Variants in CEP164 observed in about 807,000 individuals in gnomAD.
CEP164 encodes the protein centrosomal protein of 164 kDa.
A neutral mutation model predicts 182.7 loss-of-function variants in CEP164; 162 were observed. That is an observed-to-expected ratio of 0.89 (90% confidence interval 0.78 to 1.01). The LOEUF (loss-of-function observed/expected upper bound fraction) is 1.01. CEP164 is among the 50% of genes least tolerant of loss of function. CEP164 has a pLI of 0.00. For synonymous variants in CEP164, 661 were observed against 690.0 expected (o/e 0.96, Z 0.66); for missense variants, 1,735 against 1,790.4 (o/e 0.97, Z 0.56).
chr11:117,343,787 C>T (rs1055719447), intron 3 of CEP164, among the ~76,000 whole-genome samples: 2 of 151,948 alleles, frequency 1.3e-5, no homozygotes, highest in Non-Finnish European at 1.5e-5. Context: ...TGCGCCACCA[C>T]GCTGGGCTAA....
rs535762863 is a variant in CEP164, at chr11:117,353,961, T to C, written c.393+1973T>C. Among the ~76,000 whole-genome samples the C allele has an allele frequency of 2.0e-5, 3 of 152,104 alleles. No homozygotes were observed. In the South Asian group the frequency reaches 6.2e-4, roughly 32 times the overall value. On this transcript the variant is annotated intron_variant, in intron 5 of 32. Transcript: ENST00000278935. ...TTCTCTTCGCGCCCTGTTAAAAAATTTCCGGGTGTCCTTGGTAAGGTTGGT... is the reference window on the plus strand; with the variant it reads ...TTCTCTTCGCGCCCTGTTAAAAAATCTCCGGGTGTCCTTGGTAAGGTTGGT...
At chr11:117,370,887 G>C (rs563380163) in intron 8 of CEP164, among the ~76,000 whole-genome samples, 193 bp from the exon 9 acceptor site, 2 of 152,186 alleles carry the variant, frequency 1.3e-5, no homozygotes, top group South Asian at 4.2e-4. Flanking sequence ...CCCCAGCCTG[G>C]GCGACAGAGT....
chr11:117,355,081 C>T, intron 5 of CEP164: 1 of 1,289,812 alleles, frequency 7.8e-7, no homozygotes, highest in Non-Finnish European at 1.0e-6. Flanking sequence ...AGAGCCCAGG[C>T]ATGCTGGGTG....
chr11:117,412,438 C>G lies in CEP164; in HGVS notation c.*270C>G. 3.0e-6 allele frequency: 1 copy of G among 334,654 alleles called. No homozygotes were observed. The highest frequency in any genetic ancestry group is 5.6e-6 in the Non-Finnish European group (1 of 179,160). 20.7% of individuals were successfully genotyped at this position (334,654 alleles called of 1,614,324 possible). A position where few individuals can be genotyped will look rare whatever the true frequency, so the allele number is the denominator to read the frequency against. On this transcript the variant is annotated 3_prime_UTR_variant, in exon 33 of 33. Coordinates refer to ENST00000278935, the MANE Select transcript of CEP164 (RefSeq NM_014956.5). ...GTGCGGTGGCTGCGGGGTATCAGGG[C>G]CGGGAGCCCTTTGGGAGGAAGGGAG...
At chr11:117,387,641 A>G (rs553035423) in intron 15 of CEP164, among the ~76,000 whole-genome samples, 1 of 152,334 alleles carries the variant, frequency 6.6e-6, no homozygotes, top group East Asian at 1.9e-4. Context: ...CCGTAGAATA[A>G]AAGCAGGGTT....
intron 14 of CEP164, among the ~76,000 whole-genome samples, chr11:117,384,122 AAG>A (rs2043665428): frequency 1.3e-5 from 2 of 152,222 alleles, no homozygotes; most frequent in Non-Finnish European, 1.5e-5. Context: ...TGCATAGAGA[AAG>A]AGAAGGATCA....
chr11:117,393,644 A>G (rs1474353876), intron 20 of CEP164, among the ~76,000 whole-genome samples: 3 of 152,234 alleles, frequency 2.0e-5, no homozygotes, highest in African/African-American at 7.2e-5. Context: ...AGCCCAGGCC[A>G]TCTGACTCCA....
In CEP164 at chr11:117,394,916, G is replaced by T. The variant is rs764805933; in HGVS notation, c.2761-4G>T. On this transcript the variant is annotated splice_region_variant and splice_polypyrimidine_tract_variant and intron_variant, in intron 21 of 32. Coordinates refer to ENST00000278935, the MANE Select transcript of CEP164 (RefSeq NM_014956.5). The surrounding 1 kb of genome is among the most constrained non-coding windows in gnomAD (Gnocchi z 4.0). ...TATGCTTATGTGTTTCCCTTTCTGG[G>T]CAGGAAAGGAAGCTCCAGGATTTAG... The T allele has an allele frequency of 1.9e-6, 3 of 1,613,722 alleles. No homozygotes were observed. Among genetic ancestry groups the T allele is most frequent in the African/African-American group, 2.7e-5 (2 of 74,906 alleles).
chr11:117,369,909 C>T (rs1351504395), intron 8 of CEP164, among the ~76,000 whole-genome samples: 2 of 152,186 alleles, frequency 1.3e-5, no homozygotes, highest in Admixed American at 1.3e-4. Context: ...CTGCTCAGAC[C>T]CTGCCAAGGG....
At position 117,361,703 on chromosome 11, in the gene CEP164, T is replaced by C. The variant is rs1592158820; in HGVS notation, c.394-132T>C. On this transcript the variant is annotated intron_variant, in intron 5 of 32. Transcript: ENST00000278935. Reference sequence around the variant, plus strand: ...GTAATTTCTGGATGTTGTGTTTCATTAGCAGCCTCTGAGCGGAGGTGGTTT... The same window carrying C: ...GTAATTTCTGGATGTTGTGTTTCATCAGCAGCCTCTGAGCGGAGGTGGTTT... 2.1e-5 allele frequency: 18 copies of C among 850,440 alleles called. No individual in the cohort carries two copies. The South Asian group carries it at 2.6e-4, about 12-fold the overall frequency. 52.7% of individuals were successfully genotyped at this position (850,440 alleles called of 1,614,324 possible). A position where few individuals can be genotyped will look rare whatever the true frequency, so the allele number is the denominator to read the frequency against.
rs564435685 is a variant in CEP164, at chr11:117,396,279, C to T, written c.3216+99C>T. 10 of 1,356,864 alleles carry T rather than the reference C, an allele frequency of 7.4e-6. No homozygotes were observed. The South Asian group carries it at 7.7e-5, about 10-fold the overall frequency. The allele number at this position is 1,356,864 out of a possible 1,614,324, so 84.1% of individuals were successfully genotyped here. A position where few individuals can be genotyped will look rare whatever the true frequency, so the allele number is the denominator to read the frequency against. ...GGGAGTACTTCCAGAGGGGACAGCTCATCAGGAGGGGTGGAGCCTCAGGAG... is the reference window on the plus strand; with the variant it reads ...GGGAGTACTTCCAGAGGGGACAGCTTATCAGGAGGGGTGGAGCCTCAGGAG... On this transcript the variant is annotated intron_variant, in intron 25 of 32. Coordinates refer to ENST00000278935, the MANE Select transcript of CEP164 (RefSeq NM_014956.5).
At chr11:117,395,363 A>G (rs919074993) in intron 23 of CEP164, among the ~76,000 whole-genome samples, 172 bp downstream of exon 23, 1 of 152,308 alleles carries the variant, frequency 6.6e-6, no homozygotes, top group Non-Finnish European at 1.5e-5. Flanking sequence ...GGGAACCTCA[A>G]GGGAGTGGGA....
chr11:117,380,672 T>C lies in CEP164; in HGVS notation c.1376T>C (p.Leu459Pro), dbSNP rs781050968. 2 of 1,608,826 alleles carry C rather than the reference T, an allele frequency of 1.2e-6. No individual in the cohort carries two copies. Among genetic ancestry groups the C allele is most frequent in the Non-Finnish European group, 1.7e-6 (2 of 1,177,772 alleles). The change falls in exon 12 of 33, where the codon CTG (leucine) becomes CCG (proline). Residue 459 changes from leucine to proline, a missense_variant. Coordinates refer to ENST00000278935, the MANE Select transcript of CEP164 (RefSeq NM_014956.5). ...KDDSQSSQDE[L>P]QSKQSKGLEE... Reference sequence around the variant, plus strand: ...GACAGCCAGTCCAGCCAAGATGAGCTGCAGAGCAAGCAGTCCAAAGGCCTG... The same window carrying C: ...GACAGCCAGTCCAGCCAAGATGAGCCGCAGAGCAAGCAGTCCAAAGGCCTG...
At chr11:117,344,378 C>T (rs960730958) in intron 4 of CEP164, 101 bp downstream of exon 4, 13 of 757,494 alleles carry the variant, frequency 1.7e-5, no homozygotes, top group Non-Finnish European at 2.5e-5. Flanking sequence ...CCAAGCCTAT[C>T]CTGTACAGTC....
At position 117,382,826 on chromosome 11, in the gene CEP164, T is replaced by C. The variant is rs750310170; in HGVS notation, c.1608T>C (p.Cys536=). The change falls in exon 14 of 33, where the codon TGT becomes TGC. Residue 536 remains cysteine (C), a synonymous_variant. Transcript: ENST00000278935. ...REQAPSPPAA[C]EKGKEQHSQA... Reference sequence around the variant, plus strand: ...AGGCCCCAAGCCCACCTGCTGCCTGTGAGAAGGGCAAGGAGCAGCATTCCC... The same window carrying C: ...AGGCCCCAAGCCCACCTGCTGCCTGCGAGAAGGGCAAGGAGCAGCATTCCC... 5 of 1,614,032 alleles carry C rather than the reference T, an allele frequency of 3.1e-6. No individual in the cohort carries two copies. The highest frequency in any genetic ancestry group is 4.5e-5 in the East Asian group (2 of 44,872).
intron 7 of CEP164, among the ~76,000 whole-genome samples, chr11:117,363,055 C>T (rs1188630444): frequency 3.3e-5 from 5 of 152,184 alleles, no homozygotes; most frequent in Non-Finnish European, 7.3e-5. Context: ...TGTTTATCTA[C>T]TCATCTGTCG....
intron 8 of CEP164, among the ~76,000 whole-genome samples, chr11:117,369,977 A>G (rs2042037726): frequency 6.6e-6 from 1 of 152,184 alleles, no homozygotes; most frequent in South Asian, 2.1e-4. Context: ...TGCTTCATGG[A>G]AGTGTTTCCT....
intron 1 of CEP164, among the ~76,000 whole-genome samples, chr11:117,329,476 C>G (rs970576255): frequency 5.3e-5 from 8 of 152,178 alleles, no homozygotes; most frequent in African/African-American, 1.7e-4. Flanking sequence ...GCTTTGGAGT[C>G]AGACATGGAT....
intron 11 of CEP164, among the ~76,000 whole-genome samples, chr11:117,376,520 C>T (rs2042759545): frequency 1.3e-5 from 2 of 152,194 alleles, no homozygotes; most frequent in South Asian, 4.1e-4. Context: ...ATGATCTCTG[C>T]AAGTGTAAGG....
Sources: allele counts gnomAD v4.1 joint callset (sites outside exome capture counted in the v4.1 genomes callset), GRCh38; gene constraint gnomAD v4.1.1; non-coding constraint Gnocchi (gnomAD v3.1); transcripts MANE v1.5; gene names NCBI Gene and HGNC (gene_info 2026-07-23, HGNC 2026-07-21).